Variants in SLC8A1 observed in about 807,000 individuals in gnomAD.
The protein encoded by SLC8A1 is sodium/calcium exchanger 1.
SLC8A1 carries 18 observed loss-of-function variants against 68.3 expected under a neutral mutation model. The observed-to-expected ratio is 0.26, with a 90% CI of 0.18 to 0.39. The LOEUF (loss-of-function observed/expected upper bound fraction) is 0.39, where lower values mean the gene tolerates loss of function less well. Ranked by LOEUF, SLC8A1 falls within the 10% of genes least tolerant of loss-of-function variation. The pLI is 1.00. For synonymous variants in SLC8A1, 475 were observed against 415.5 expected (o/e 1.14, Z -1.74); for missense variants, 985 against 1,156.7 (o/e 0.85, Z 2.15).
At chr2:40,244,246 G>C (rs1012752514) in intron 2 of SLC8A1, among the ~76,000 whole-genome samples, 1 of 152,120 alleles carries the variant, frequency 6.6e-6, no homozygotes, top group African/African-American at 2.4e-5. Flanking sequence ...AGATACATTA[G>C]GAAAGCGTCA....
At chr2:40,122,804 A>T (rs1489251089) in intron 7 of SLC8A1, among the ~76,000 whole-genome samples, 4 of 152,102 alleles carry the variant, frequency 2.6e-5, no homozygotes, top group Non-Finnish European at 5.9e-5. Flanking sequence ...TAGAGTAACC[A>T]TTTTTGTTAT....
intron 1 of SLC8A1, among the ~76,000 whole-genome samples, chr2:40,464,379 T>G (rs1162707528): frequency 6.6e-6 from 1 of 152,210 alleles, no homozygotes; most frequent in Non-Finnish European, 1.5e-5. Flanking sequence ...TTGTTTGCAG[T>G]TAAGTTTTCT....
At chr2:40,505,281 C>T (rs575361389) in intron 1 of SLC8A1, among the ~76,000 whole-genome samples, 4 of 151,962 alleles carry the variant, frequency 2.6e-5, no homozygotes, top group Admixed American at 6.6e-5. Flanking sequence ...TTTGCTAGCA[C>T]ATCAGGGTGA....
chr2:40,388,235 T>C (rs1160373558), intron 2 of SLC8A1, among the ~76,000 whole-genome samples: 1 of 152,126 alleles, frequency 6.6e-6, no homozygotes, highest in African/African-American at 2.4e-5. Flanking sequence ...GTGCTTAAAC[T>C]TGAATTGCTA....
chr2:40,278,819 C>T (rs144079521), intron 2 of SLC8A1, among the ~76,000 whole-genome samples: 19 of 152,222 alleles, frequency 1.2e-4, no homozygotes, highest in African/African-American at 4.3e-4. Flanking sequence ...CATCTAAACT[C>T]TTTAAAAACA....
intron 2 of SLC8A1, among the ~76,000 whole-genome samples, chr2:40,314,294 A>T (rs1421778009): frequency 6.6e-6 from 1 of 152,080 alleles, no homozygotes. Flanking sequence ...ACAACAACAA[A>T]ATCCAAAACC....
At chr2:40,196,323 GAA>G in intron 2 of SLC8A1, among the ~76,000 whole-genome samples, 1 of 152,034 alleles carries the variant, frequency 6.6e-6, no homozygotes, top group East Asian at 1.9e-4. Flanking sequence ...GTTGTCCTGA[GAA>G]AACTCAAGCA....
intron 1 of SLC8A1, among the ~76,000 whole-genome samples, chr2:40,460,419 A>G (rs2149892647): frequency 6.6e-6 from 1 of 152,280 alleles, no homozygotes; most frequent in Non-Finnish European, 1.5e-5. Flanking sequence ...GTAGCAGATT[A>G]CTGGTTTAAT....
At chr2:40,373,397 T>C (rs1344826951) in intron 2 of SLC8A1, among the ~76,000 whole-genome samples, 1 of 152,030 alleles carries the variant, frequency 6.6e-6, no homozygotes, top group Non-Finnish European at 1.5e-5. Flanking sequence ...TGTTCAAAAT[T>C]TACAGCCTAT....
At chr2:40,405,488 C>T (rs1177951876) in intron 2 of SLC8A1, among the ~76,000 whole-genome samples, 1 of 152,192 alleles carries the variant, frequency 6.6e-6, no homozygotes, top group Non-Finnish European at 1.5e-5. Flanking sequence ...CAGTTGTCCG[C>T]TTTTCCAGCA....
exon 8 of SLC8A1, chr2:40,103,995 A>G (rs3922283): frequency 0.53 from 80,552 of 151,978 alleles, 23,316 homozygotes; most frequent in Non-Finnish European, 0.65. Flanking sequence ...AGCTAAAGGT[A>G]AAGTCTTCCC....
chr2:40,154,479 C>CTT (rs144812656), intron 6 of SLC8A1, among the ~76,000 whole-genome samples: 42 of 30,026 alleles, frequency 1.4e-3, no homozygotes, highest in South Asian at 9.7e-3. Context: ...AATTTTTTTT[C>CTT]TTTTCTTTTT....
intron 2 of SLC8A1, among the ~76,000 whole-genome samples, chr2:40,196,514 C>T (rs375174727): frequency 5.1e-4 from 78 of 151,954 alleles, no homozygotes; most frequent in African/African-American, 1.7e-3. Flanking sequence ...ACGAAGATTC[C>T]TTGTCGTTAT....
At chr2:40,309,169 C>G (rs76061578) in intron 2 of SLC8A1, among the ~76,000 whole-genome samples, 1,734 of 152,246 alleles carry the variant, frequency 0.011, 23 homozygotes, top group African/African-American at 0.039. Context: ...ACCAAGGTGA[C>G]AGTGCTTTAG....
chr2:40,463,829 CACACACACAT>C (rs1184924927), intron 1 of SLC8A1, among the ~76,000 whole-genome samples: 9 of 129,972 alleles, frequency 6.9e-5, no homozygotes, highest in South Asian at 2.5e-4. Context: ...TATACATACA[CACACACACAT>C]ACACACACAC....
At chr2:40,283,909 C>T (rs2067873961) in intron 2 of SLC8A1, among the ~76,000 whole-genome samples, 1 of 152,070 alleles carries the variant, frequency 6.6e-6, no homozygotes, top group Non-Finnish European at 1.5e-5. Flanking sequence ...ATATCTACTA[C>T]CCCCCACCTT....
chr2:40,455,454 G>A (rs1014830544), upstream of SLC8A1, among the ~76,000 whole-genome samples: 2 of 152,008 alleles, frequency 1.3e-5, no homozygotes, highest in East Asian at 1.9e-4. Flanking sequence ...AGTCTTAGTC[G>A]TCCCTCACCT....
At chr2:40,421,226 T>A (rs923362065) in intron 2 of SLC8A1, among the ~76,000 whole-genome samples, 4 of 151,964 alleles carry the variant, frequency 2.6e-5, no homozygotes, top group Non-Finnish European at 5.9e-5. Flanking sequence ...CCATTACCAA[T>A]ATATCCAAAA....
intron 1 of SLC8A1, among the ~76,000 whole-genome samples, chr2:40,473,218 C>T (rs1704094613): frequency 6.6e-6 from 1 of 152,040 alleles, no homozygotes; most frequent in East Asian, 1.9e-4. Context: ...GATATTCCAC[C>T]TGGAAAATGA....
Sources: allele counts gnomAD v4.1 joint callset (sites outside exome capture counted in the v4.1 genomes callset), GRCh38; gene constraint gnomAD v4.1.1; transcripts MANE v1.5; gene names NCBI Gene and HGNC (gene_info 2026-07-23, HGNC 2026-07-21).